ZNF804A: variants seen among roughly 807,000 people sequenced by gnomAD.
ZNF804A encodes the protein zinc finger protein 804A.
A neutral mutation model predicts 16.5 loss-of-function variants in ZNF804A; 2 were observed. The observed-to-expected ratio is 0.12, with a 90% CI of 0.05 to 0.38. The LOEUF is 0.38. Among genes scored for constraint, ZNF804A ranks in the 10% least tolerant of loss-of-function variants. ZNF804A has a pLI of 0.99. For missense variants in ZNF804A, 1,473 were observed against 1,390.7 expected, an observed-to-expected ratio of 1.06 and a Z score of -0.94; for synonymous variants, 534 against 489.6, an observed-to-expected ratio of 1.09 and a Z score of -1.20.
intron 2 of ZNF804A, among the ~76,000 whole-genome samples, chr2:184,890,393 G>A (rs1684962134): frequency 6.6e-6 from 1 of 152,116 alleles, no homozygotes; most frequent in African/African-American, 2.4e-5. Flanking sequence ...CAATGTTGCA[G>A]TCCAAATGTA....
chr2:184,885,156 C>T (rs902739139), intron 2 of ZNF804A, among the ~76,000 whole-genome samples: 4 of 149,632 alleles, frequency 2.7e-5, no homozygotes, highest in African/African-American at 4.9e-5. Context: ...TACAATTTCA[C>T]ATTAGTCAGA....
intron 2 of ZNF804A, among the ~76,000 whole-genome samples, chr2:184,918,187 C>T (rs1685480031): frequency 1.3e-5 from 2 of 152,132 alleles, no homozygotes; most frequent in Admixed American, 6.6e-5. Flanking sequence ...AAATCAATCA[C>T]CTCACCCAGC....
chr2:184,672,113 A>G (rs531614312), intron 1 of ZNF804A, among the ~76,000 whole-genome samples: 1 of 152,332 alleles, frequency 6.6e-6, no homozygotes, highest in East Asian at 1.9e-4. Context: ...TGAAAATTAA[A>G]CTAGTTCATG....
At chr2:184,676,714 GACCATAGTTT>G (rs1261845401) in intron 1 of ZNF804A, among the ~76,000 whole-genome samples, 1 of 151,616 alleles carries the variant, frequency 6.6e-6, no homozygotes, top group Non-Finnish European at 1.5e-5. Context: ...ATTTTAATAT[GACCATAGTTT>G]ACTGGTTAAT....
rs528907296 is a variant in ZNF804A, at chr2:184,927,590, G to C, written c.256-6013G>C. On this transcript the variant is annotated intron_variant, in intron 2 of 3. Transcript: ENST00000302277. The stretch of plus-strand genomic sequence containing the variant: ...GGAATCAAGTTCCTTCAGGCCCCAG[G>C]TGGGTCCAGAGGTTATGTCTTAAAG... Among the ~76,000 whole-genome samples the C allele has an allele frequency of 2.0e-5, 3 of 152,312 alleles. No individual in the cohort carries two copies. In the South Asian group the frequency reaches 6.2e-4, roughly 32 times the overall value.
intron 1 of ZNF804A, among the ~76,000 whole-genome samples, chr2:184,689,985 A>G (rs1692704064): frequency 1.3e-5 from 2 of 151,988 alleles, no homozygotes; most frequent in South Asian, 4.1e-4. Context: ...CTTTTATGGA[A>G]CAATTTTAAT....
chr2:184,790,435 G>A (rs1694520284), intron 1 of ZNF804A, among the ~76,000 whole-genome samples: 1 of 151,764 alleles, frequency 6.6e-6, no homozygotes, highest in South Asian at 2.1e-4. Context: ...GATATCAGTG[G>A]GATGTTGAGG....
chr2:184,900,404 G>A (rs1685160630), intron 2 of ZNF804A, among the ~76,000 whole-genome samples: 1 of 152,060 alleles, frequency 6.6e-6, no homozygotes, highest in Non-Finnish European at 1.5e-5. Flanking sequence ...AGGCTAATTC[G>A]CTTAAATCAA....
chr2:184,741,129 C>T (rs1481451548), intron 1 of ZNF804A, among the ~76,000 whole-genome samples: 1 of 152,082 alleles, frequency 6.6e-6, no homozygotes, highest in African/African-American at 2.4e-5. Flanking sequence ...TTAGATGTTC[C>T]CAAGATTATC....
At chr2:184,761,985 A>G (rs148821996) in intron 1 of ZNF804A, among the ~76,000 whole-genome samples, 86 of 152,232 alleles carry the variant, frequency 5.6e-4, no homozygotes, top group African/African-American at 2.0e-3. Context: ...CAATGGAAGC[A>G]TATTCTGTAG....
rs1340785033 is a variant in ZNF804A at position 184,624,624 on chromosome 2, G to A, written c.111+25554G>A. Among the ~76,000 whole-genome samples the A allele has an allele frequency of 2.0e-5, 3 of 152,050 alleles. No homozygotes were observed. The East Asian group carries it at 5.8e-4, about 29-fold the overall frequency. On this transcript the variant is annotated intron_variant, in intron 1 of 3. Coordinates refer to ENST00000302277, the MANE Select transcript of ZNF804A (RefSeq NM_194250.2). ...GTTCCAGGTTGTAACTAAAAAATGG[G>A]GCTCCATTTGTAGTATTCTAAATTC...
intron 1 of ZNF804A, among the ~76,000 whole-genome samples, chr2:184,741,553 C>A (rs961586521): frequency 2.6e-5 from 4 of 152,012 alleles, no homozygotes; most frequent in African/African-American, 9.7e-5. Context: ...TGGCATGACC[C>A]CTAGCTAAAT....
intron 1 of ZNF804A, among the ~76,000 whole-genome samples, chr2:184,792,805 G>T (rs144066845): frequency 7.2e-5 from 11 of 152,026 alleles, no homozygotes; most frequent in Non-Finnish European, 1.6e-4. Context: ...GATACAGGAG[G>T]TCCATGTTCA....
intron 1 of ZNF804A, among the ~76,000 whole-genome samples, chr2:184,808,215 T>C: frequency 6.6e-6 from 1 of 151,650 alleles, no homozygotes; most frequent in East Asian, 1.9e-4. Flanking sequence ...CACAATGTTA[T>C]AATTTTTAAT....
Position 184,879,150 on chromosome 2 carries a change from A to T in ZNF804A, c.255+12638A>T, listed in dbSNP as rs192141126. 6.9e-3 allele frequency among the ~76,000 whole-genome samples: 921 copies of T among 133,418 alleles called. 9 individuals are homozygous for T. Among genetic ancestry groups the T allele is most frequent in the Middle Eastern group, 0.066 (18 of 272 alleles). 87.5% of individuals were successfully genotyped at this position (133,418 alleles called of 152,430 possible). Reference sequence around the variant, plus strand: ...TATATTTGTGTGTGTTGTGTGTGTGAGAGAGAGAGAGAAAGAGGAAAATAA... The same window carrying T: ...TATATTTGTGTGTGTTGTGTGTGTGTGAGAGAGAGAGAAAGAGGAAAATAA... On this transcript the variant is annotated intron_variant, in intron 2 of 3. Coordinates refer to ENST00000302277, the MANE Select transcript of ZNF804A (RefSeq NM_194250.2).
intron 2 of ZNF804A, among the ~76,000 whole-genome samples, chr2:184,876,715 C>G (rs1407069786): frequency 6.6e-6 from 1 of 152,142 alleles, no homozygotes; most frequent in Admixed American, 6.6e-5. Flanking sequence ...TTGCCATTTT[C>G]GTACACCTTC....
At chr2:184,615,209 A>C (rs1574132387) in intron 1 of ZNF804A, among the ~76,000 whole-genome samples, 1 of 152,320 alleles carries the variant, frequency 6.6e-6, no homozygotes, top group Middle Eastern at 3.4e-3. Context: ...TGCAGCCATA[A>C]AAAAGGATTA....
intron 1 of ZNF804A, among the ~76,000 whole-genome samples, chr2:184,769,973 A>G (rs184320466): frequency 1.3e-5 from 2 of 152,254 alleles, no homozygotes; most frequent in East Asian, 3.9e-4. Context: ...TAACAAAGAT[A>G]CATAAATATT....
At chr2:184,722,275 A>AT (rs1352691382) in intron 1 of ZNF804A, among the ~76,000 whole-genome samples, 1 of 152,076 alleles carries the variant, frequency 6.6e-6, no homozygotes, top group East Asian at 1.9e-4. Context: ...ACTTAGAACA[A>AT]TGTAAGTAAA....
Sources: allele counts gnomAD v4.1 joint callset (sites outside exome capture counted in the v4.1 genomes callset), GRCh38; gene constraint gnomAD v4.1.1; transcripts MANE v1.5; gene names NCBI Gene and HGNC (gene_info 2026-07-23, HGNC 2026-07-21).